The following GRIP1 variants were observed in gnomAD, a reference collection of about 807,000 sequenced individuals.
GRIP1 encodes the protein glutamate receptor interacting protein 1, also known as glutamate receptor-interacting protein 1.
In GRIP1, 45 loss-of-function variants were observed where a neutral mutation model predicts 129.9. The ratio of observed to expected loss-of-function variants is 0.35; its 90% CI spans 0.27 to 0.44. The LOEUF (loss-of-function observed/expected upper bound fraction) is 0.44, where lower values mean the gene tolerates loss of function less well. GRIP1 is among the 20% of genes least tolerant of loss of function. The pLI is 1.00. For missense variants in GRIP1, 1,196 were observed against 1,396.8 expected, an observed-to-expected ratio of 0.86 and a Z score of 2.29; for synonymous variants, 530 against 520.8, an observed-to-expected ratio of 1.02 and a Z score of -0.24.
chr12:66,974,073 T>C (rs1015322017), intron 1 of GRIP1, among the ~76,000 whole-genome samples: 62 of 151,896 alleles, frequency 4.1e-4, no homozygotes, highest in Non-Finnish European at 6.2e-4. Flanking sequence ...TACAGGCGCC[T>C]GCCAACACGC....
intron 2 of GRIP1, among the ~76,000 whole-genome samples, chr12:66,552,060 C>T (rs1013797389): frequency 5.3e-5 from 8 of 152,112 alleles, no homozygotes; most frequent in Admixed American, 2.6e-4. Context: ...AGAAAGATAT[C>T]AGGTAAGGCT....
intron 23 of GRIP1, among the ~76,000 whole-genome samples, chr12:66,369,619 A>G (rs935339775): frequency 1.3e-5 from 2 of 152,036 alleles, no homozygotes; most frequent in Non-Finnish European, 2.9e-5. Flanking sequence ...CTTGCTAGGC[A>G]CTCATTATGT....
intron 2 of GRIP1, among the ~76,000 whole-genome samples, chr12:66,587,615 A>G (rs1440908450): frequency 6.6e-6 from 1 of 152,212 alleles, no homozygotes; most frequent in Non-Finnish European, 1.5e-5. Context: ...ACTGTTGGAT[A>G]ATTACATGTT....
At chr12:66,363,886 G>A (rs892206227) in intron 23 of GRIP1, among the ~76,000 whole-genome samples, 1 of 152,160 alleles carries the variant, frequency 6.6e-6, no homozygotes, top group Non-Finnish European at 1.5e-5. Context: ...GCAGGAATAA[G>A]TTCCGGTGAT....
At chr12:66,869,348 C>T (rs2040257642) in intron 1 of GRIP1, among the ~76,000 whole-genome samples, 1 of 151,930 alleles carries the variant, frequency 6.6e-6, no homozygotes, top group African/African-American at 2.4e-5. Context: ...CAGTTTATGG[C>T]CAAGAGGAAG....
intron 1 of GRIP1, among the ~76,000 whole-genome samples, chr12:66,837,268 G>C (rs1462617405): frequency 6.6e-6 from 1 of 152,160 alleles, no homozygotes; most frequent in East Asian, 1.9e-4. Context: ...CCTCACATTA[G>C]AGTAAAGGAG....
At chr12:66,710,660 C>G (rs1320859203) in intron 1 of GRIP1, among the ~76,000 whole-genome samples, 2 of 151,786 alleles carry the variant, frequency 1.3e-5, no homozygotes, top group African/African-American at 4.8e-5. Context: ...TTCAACTCCC[C>G]CGCCCATCAT....
intron 19 of GRIP1, among the ~76,000 whole-genome samples, chr12:66,383,456 C>T (rs1218305635): frequency 6.6e-6 from 1 of 152,098 alleles, no homozygotes; most frequent in East Asian, 1.9e-4. Context: ...AAAAGTATTC[C>T]AGGAATATTC....
intron 1 of GRIP1, among the ~76,000 whole-genome samples, chr12:66,626,257 T>C (rs2030027016): frequency 6.6e-6 from 1 of 151,738 alleles, no homozygotes; most frequent in Admixed American, 6.6e-5. Flanking sequence ...GGTGAATTGC[T>C]TGAGCATGGG....
chr12:66,964,274 A>T (rs76962109), intron 1 of GRIP1, among the ~76,000 whole-genome samples: 2,576 of 152,276 alleles, frequency 0.017, 80 homozygotes, highest in African/African-American at 0.059. Flanking sequence ...ATACCAGTTA[A>T]CAAAAGAGAC....
At chr12:66,528,227 C>T (rs192134679) in intron 5 of GRIP1, among the ~76,000 whole-genome samples, 15 of 148,808 alleles carry the variant, frequency 1.0e-4, no homozygotes, top group South Asian at 4.3e-4. Flanking sequence ...CTCCACCTCC[C>T]GGGTTCACAC....
chr12:66,634,102 G>T (rs559466326), intron 1 of GRIP1, among the ~76,000 whole-genome samples: 9 of 152,208 alleles, frequency 5.9e-5, no homozygotes, highest in African/African-American at 2.2e-4. Context: ...TTCTCCTCCA[G>T]GTAATAAGTA....
chr12:66,463,461 A>G (rs2059196007), intron 8 of GRIP1, among the ~76,000 whole-genome samples: 1 of 152,194 alleles, frequency 6.6e-6, no homozygotes, highest in Non-Finnish European at 1.5e-5. Flanking sequence ...AGGCTTTTCT[A>G]TCTATAAACA....
chr12:66,565,868 T>C (rs1034515956), intron 2 of GRIP1, among the ~76,000 whole-genome samples: 4 of 152,192 alleles, frequency 2.6e-5, no homozygotes, highest in Non-Finnish European at 5.9e-5. Flanking sequence ...TTCCTAGGTA[T>C]TTTATTCTCT....
At chr12:66,578,238 T>TTTTTTTTTTTTTG (rs1555210384) in intron 2 of GRIP1, among the ~76,000 whole-genome samples, 2 of 144,392 alleles carry the variant, frequency 1.4e-5, no homozygotes, top group Non-Finnish European at 3.0e-5. Context: ...CGCGGTTTTT[T>TTTTTTTTTTTTTG]TTTTTTTTTT....
intron 20 of GRIP1, among the ~76,000 whole-genome samples, chr12:66,378,330 CAGT>C (rs2055915742): frequency 6.6e-6 from 1 of 152,114 alleles, no homozygotes; most frequent in Non-Finnish European, 1.5e-5. Flanking sequence ...CAGGTGCCTG[CAGT>C]CCCAGCTAAT....
intron 7 of GRIP1, among the ~76,000 whole-genome samples, chr12:66,476,175 A>T (rs1256365626): frequency 6.6e-6 from 1 of 152,204 alleles, no homozygotes; most frequent in Non-Finnish European, 1.5e-5. Context: ...AAAAAATGAT[A>T]AAGGGGATAT....
chr12:66,664,416 T>C (rs2033682565), intron 1 of GRIP1, among the ~76,000 whole-genome samples: 1 of 152,216 alleles, frequency 6.6e-6, no homozygotes, highest in East Asian at 1.9e-4. Context: ...ATTCATAGTA[T>C]ATATTCCTTC....
At chr12:67,038,607 T>C (rs73135618) in intron 1 of GRIP1, among the ~76,000 whole-genome samples, 35,623 of 152,138 alleles carry the variant, frequency 0.23, 4,774 homozygotes, top group Non-Finnish European at 0.29. Flanking sequence ...TAATGATGTT[T>C]ACATTTGTAT....
Sources: gnomAD v4.1 joint callset for allele counts (sites outside exome capture counted in the v4.1 genomes callset) on GRCh38, gnomAD v4.1.1 for gene constraint, MANE v1.5 for transcripts, NCBI Gene and HGNC (gene_info 2026-07-23, HGNC 2026-07-21) for gene names.